STYX: variants seen among roughly 807,000 people sequenced by gnomAD.
STYX encodes serine/threonine/tyrosine-interacting protein.
STYX carries 20 observed loss-of-function variants against 42.7 expected under a neutral mutation model. The observed-to-expected ratio is 0.47, with a 90% CI of 0.33 to 0.68. The LOEUF is 0.68. Ranked by LOEUF, STYX falls within the 30% of genes least tolerant of loss-of-function variation. The probability of loss-of-function intolerance (pLI) is 0.02; values close to 1 mark genes in which losing one functional copy is unlikely to be tolerated. For missense variants in STYX, 226 were observed against 268.5 expected, an observed-to-expected ratio of 0.84 and a Z score of 1.11; for synonymous variants, 78 against 81.9, an observed-to-expected ratio of 0.95 and a Z score of 0.26.
chr14:52,749,229 G>T (rs545968016), intron 3 of STYX, among the ~76,000 whole-genome samples: 8 of 152,270 alleles, frequency 5.3e-5, no homozygotes, highest in African/African-American at 1.7e-4. Context: ...TCCTGTCATG[G>T]AGGTTTCTAC....
At chr14:52,750,862 T>C (rs1374509492) in intron 4 of STYX, 82 bp downstream of exon 4, 1 of 917,254 alleles carries the variant, frequency 1.1e-6, no homozygotes, top group South Asian at 1.8e-5. Flanking sequence ...TCTGTACATA[T>C]CTAGTTTGTA....
At chr14:52,763,098 G>A (rs1882164214) in intron 9 of STYX, among the ~76,000 whole-genome samples, 1 of 151,660 alleles carries the variant, frequency 6.6e-6, no homozygotes, top group Non-Finnish European at 1.5e-5. Context: ...TCACCACATT[G>A]GCCAGGCTGG....
At chr14:52,767,034 G>T (rs1036425439) in intron 9 of STYX, among the ~76,000 whole-genome samples, 1 of 152,122 alleles carries the variant, frequency 6.6e-6, no homozygotes, top group Non-Finnish European at 1.5e-5. Flanking sequence ...AAATGTAGTA[G>T]GCCAGAAGTA....
chr14:52,766,240 C>T (rs1007846854), intron 9 of STYX, among the ~76,000 whole-genome samples: 4 of 152,222 alleles, frequency 2.6e-5, no homozygotes, highest in Non-Finnish European at 5.9e-5. Flanking sequence ...AATCTTGGCT[C>T]ACTGCAACCT....
At position 52,730,468 on chromosome 14, in the gene STYX, C is replaced by T. The variant is rs772245142; in HGVS notation, c.-7C>T. On this transcript the variant is annotated 5_prime_UTR_variant, in exon 1 of 11. Coordinates refer to ENST00000354586, the MANE Select transcript of STYX (RefSeq NM_145251.4). ...CCACCCCACCCACCAGCCCGCGGGC[C>T]AGCACCATGGAGGACGTGAAGCTGG... 11 of 1,613,452 alleles carry T rather than the reference C, an allele frequency of 6.8e-6. No individual in the cohort carries two copies. The highest frequency in any genetic ancestry group is 2.7e-5 in the African/African-American group (2 of 74,912).
chr14:52,740,275 C>T (rs538990569), intron 1 of STYX, among the ~76,000 whole-genome samples: 67 of 152,076 alleles, frequency 4.4e-4, no homozygotes, highest in African/African-American at 1.6e-3. Context: ...AGCGAGACTC[C>T]GTCTCAAAAA....
chr14:52,746,490 T>C lies in STYX; in HGVS notation c.144+11T>C. Reference sequence around the variant, plus strand: ...GCTATGAAAAGCAAGGTATGAACTTTGTTAGATTCATCAAGAGAGACTTTT... The same window carrying C: ...GCTATGAAAAGCAAGGTATGAACTTCGTTAGATTCATCAAGAGAGACTTTT... On this transcript the variant is annotated intron_variant, in intron 3 of 10. Transcript: ENST00000354586. The C allele has an allele frequency of 1.3e-6, 2 of 1,552,586 alleles. No individual in the cohort carries two copies. The highest frequency in any genetic ancestry group is 1.7e-6 in the Non-Finnish European group (2 of 1,160,224).
At chr14:52,733,928 A>C (rs1226201838) in intron 1 of STYX, among the ~76,000 whole-genome samples, 1 of 152,136 alleles carries the variant, frequency 6.6e-6, no homozygotes, top group African/African-American at 2.4e-5. Flanking sequence ...GCTTTACCGA[A>C]TCTTCTTGGG....
intron 1 of STYX, among the ~76,000 whole-genome samples, chr14:52,738,973 C>CT (rs35897313): frequency 0.043 from 6,246 of 145,432 alleles, 412 homozygotes; most frequent in African/African-American, 0.14. Flanking sequence ...CTAAATATCA[C>CT]TTTTTTTTTT....
intron 1 of STYX, among the ~76,000 whole-genome samples, chr14:52,733,353 T>C (rs1880810592): frequency 6.6e-6 from 1 of 152,190 alleles, no homozygotes; most frequent in South Asian, 2.1e-4. Context: ...TTTTTTATGC[T>C]ACCAGATGTG....
At chr14:52,733,334 C>A (rs918946153) in intron 1 of STYX, among the ~76,000 whole-genome samples, 5 of 152,108 alleles carry the variant, frequency 3.3e-5, no homozygotes, top group Non-Finnish European at 7.4e-5. Flanking sequence ...GACTTGAAAA[C>A]ACACTCTTTT....
At chr14:52,757,389 A>G in intron 6 of STYX, 34 bp downstream of exon 6, 2 of 1,550,976 alleles carry the variant, frequency 1.3e-6, no homozygotes, top group Non-Finnish European at 1.8e-6. Context: ...ACTAATGTTT[A>G]TATTTTGATT....
chr14:52,746,392 T>A, intron 2 of STYX, 34 bp from the exon 3 acceptor site: 1 of 1,510,440 alleles, frequency 6.6e-7, no homozygotes, highest in Non-Finnish European at 8.9e-7. Flanking sequence ...TTTAAATTGC[T>A]GATGGTAAAT....
chr14:52,733,830 A>G (rs555005864), intron 1 of STYX, among the ~76,000 whole-genome samples: 86 of 152,324 alleles, frequency 5.6e-4, no homozygotes, highest in African/African-American at 2.0e-3. Context: ...TGAAGCAACA[A>G]AAGAACAAAA....
At chr14:52,758,498 C>T (rs571698529) in intron 8 of STYX, among the ~76,000 whole-genome samples, 10 of 152,230 alleles carry the variant, frequency 6.6e-5, no homozygotes, top group African/African-American at 2.4e-4. Flanking sequence ...CTATTTCAGT[C>T]CCCTTTTATA....
chr14:52,743,466 A>G (rs1181397865), intron 1 of STYX, among the ~76,000 whole-genome samples: 1 of 152,024 alleles, frequency 6.6e-6, no homozygotes, highest in Non-Finnish European at 1.5e-5. Context: ...CTGTAGTCCC[A>G]GCTACTCGGG....
chr14:52,767,740 TA>T (rs1443505536), intron 9 of STYX, among the ~76,000 whole-genome samples: 16 of 152,292 alleles, frequency 1.1e-4, no homozygotes, highest in African/African-American at 3.6e-4. Context: ...TTTAAATTGA[TA>T]AACACTGATT....
In STYX at chr14:52,741,330, A is replaced by C. The variant is rs145952769; in HGVS notation, c.58-3522A>C. On this transcript the variant is annotated intron_variant, in intron 1 of 10. Coordinates refer to ENST00000354586, the MANE Select transcript of STYX (RefSeq NM_145251.4). ...TTTACATTCCCACCAGCAATGTGTGAGAGTCCCAGTTGCTCCACATCATCA... is the reference window on the plus strand; with the variant it reads ...TTTACATTCCCACCAGCAATGTGTGCGAGTCCCAGTTGCTCCACATCATCA... Among the ~76,000 whole-genome samples, 149 of 151,862 alleles carry C rather than the reference A, an allele frequency of 9.8e-4. 2 individuals are homozygous for C. The East Asian group carries it at 0.026, about 26-fold the overall frequency.
At chr14:52,752,242 G>C (rs924385736) in intron 4 of STYX, among the ~76,000 whole-genome samples, 2 of 151,804 alleles carry the variant, frequency 1.3e-5, no homozygotes, top group African/African-American at 4.8e-5. Context: ...GCTGAGGAGG[G>C]TGGATCACGA....
Sources: gnomAD v4.1 joint callset for allele counts (sites outside exome capture counted in the v4.1 genomes callset) on GRCh38, gnomAD v4.1.1 for gene constraint, MANE v1.5 for transcripts, NCBI Gene and HGNC (gene_info 2026-07-23, HGNC 2026-07-21) for gene names.